The following HSPBAP1 variants were observed in gnomAD, a reference collection of about 807,000 sequenced individuals.
HSPBAP1 encodes HSPB1-associated protein 1.
HSPBAP1 carries 27 observed loss-of-function variants against 45.2 expected under a neutral mutation model. That is an observed-to-expected ratio of 0.60 (90% CI 0.44 to 0.82). The LOEUF is 0.82. Among genes scored for constraint, HSPBAP1 ranks in the 40% least tolerant of loss-of-function variants. The pLI, the probability that HSPBAP1 is intolerant of heterozygous loss-of-function variation, is 0.00. For synonymous variants in HSPBAP1, 204 were observed against 202.7 expected (o/e 1.01, Z -0.06); for missense variants, 510 against 590.9 (o/e 0.86, Z 1.42).
At chr3:122,778,734 A>G (rs1450088677) in intron 1 of HSPBAP1, among the ~76,000 whole-genome samples, 1 of 151,916 alleles carries the variant, frequency 6.6e-6, no homozygotes, top group Non-Finnish European at 1.5e-5. Flanking sequence ...GTTTCACTGT[A>G]TTAGCCAAAA....
chr3:122,775,835 T>G (rs992450459), intron 2 of HSPBAP1, among the ~76,000 whole-genome samples: 5 of 152,228 alleles, frequency 3.3e-5, no homozygotes, highest in Non-Finnish European at 7.3e-5. Context: ...CATAGTAGCA[T>G]TATCTGTAAT....
chr3:122,774,451 C>T (rs1935117951), intron 2 of HSPBAP1, among the ~76,000 whole-genome samples: 1 of 152,196 alleles, frequency 6.6e-6, no homozygotes, highest in Non-Finnish European at 1.5e-5. Context: ...CCTGGAAATA[C>T]AGAAACTGAA....
At chr3:122,777,958 A>G (rs2107531130) in intron 1 of HSPBAP1, 52 bp from the exon 2 acceptor site, 2 of 1,248,566 alleles carry the variant, frequency 1.6e-6, no homozygotes, top group East Asian at 4.8e-5. Flanking sequence ...AAGTTTTTTC[A>G]TACAATATGG....
chr3:122,782,119 T>C (rs1012914051), intron 1 of HSPBAP1, among the ~76,000 whole-genome samples: 2 of 152,164 alleles, frequency 1.3e-5, no homozygotes, highest in African/African-American at 2.4e-5. Flanking sequence ...ACTTCCTAAG[T>C]AGAGGATTAT....
intron 1 of HSPBAP1, among the ~76,000 whole-genome samples, chr3:122,783,833 C>CTTTT (rs79338116): frequency 6.9e-6 from 1 of 145,080 alleles, no homozygotes; most frequent in Non-Finnish European, 1.5e-5. Context: ...GGGCAACTTT[C>CTTTT]TTTTTTTTTT....
intron 5 of HSPBAP1, chr3:122,753,201 A>C (rs200207531): frequency 5.3e-5 from 5 of 93,706 alleles, no homozygotes; most frequent in Non-Finnish European, 6.8e-5. Context: ...CATGGATGGA[A>C]GAAGTGTGAT....
rs1426344294 is a variant in HSPBAP1, at chr3:122,759,375, A to C, written c.433-15T>G. 9.3e-6 allele frequency: 15 copies of C among 1,610,608 alleles called. No homozygotes were observed. Among genetic ancestry groups the C allele is most frequent in the Non-Finnish European group, 1.2e-5 (14 of 1,177,648 alleles). On this transcript the variant is annotated splice_polypyrimidine_tract_variant and intron_variant, in intron 3 of 7. Coordinates refer to ENST00000306103, the MANE Select transcript of HSPBAP1 (RefSeq NM_024610.6). Reference sequence around the variant, plus strand: ...CATTTCACATCCTGTTTTGAAATAAAGTTGCAATCCATCAAGAACTAACCA... The same window carrying C: ...CATTTCACATCCTGTTTTGAAATAACGTTGCAATCCATCAAGAACTAACCA...
intron 1 of HSPBAP1, among the ~76,000 whole-genome samples, chr3:122,792,091 G>A (rs1408208333): frequency 2.6e-5 from 4 of 152,328 alleles, no homozygotes; most frequent in Admixed American, 1.3e-4. Flanking sequence ...TTAAGAAAGA[G>A]GCAGAGAGAG....
chr3:122,781,390 C>CA (rs1351107904), intron 1 of HSPBAP1, among the ~76,000 whole-genome samples: 3 of 152,140 alleles, frequency 2.0e-5, no homozygotes, highest in East Asian at 1.9e-4. Flanking sequence ...CCGTCTCCAC[C>CA]AAAAAAATAC....
At chr3:122,793,309 T>G (rs1044412160) in intron 1 of HSPBAP1, among the ~76,000 whole-genome samples, 2 of 152,200 alleles carry the variant, frequency 1.3e-5, no homozygotes, top group Admixed American at 6.5e-5. Context: ...AATTTAATTT[T>G]AATCCCCTCT....
intron 1 of HSPBAP1, among the ~76,000 whole-genome samples, chr3:122,784,203 C>T (rs1935581866): frequency 6.6e-6 from 1 of 152,148 alleles, no homozygotes; most frequent in African/African-American, 2.4e-5. Flanking sequence ...TTGATCCCTA[C>T]ACTATGAAAA....
chr3:122,740,670 TTGTC>T lies in HSPBAP1; in HGVS notation c.1138_1141del (p.Asp380AsnfsTer15), dbSNP rs776526806. The T allele has an allele frequency of 6.2e-7, 1 of 1,613,986 alleles. No homozygotes were observed. Among genetic ancestry groups the T allele is most frequent in the East Asian group, 2.2e-5 (1 of 44,890 alleles). ...GCCAAAGGGACTTGCTGCCTCCGGT[TTGTC>T]TGTTCCTGTGGTCAAGTTCTGGCTA... On this transcript the variant is annotated frameshift_variant, in exon 8 of 8. Transcript: ENST00000306103. LOFTEE classifies it low-confidence loss of function (END_TRUNC).
intron 7 of HSPBAP1, 30 bp downstream of exon 7, chr3:122,740,973 C>T: frequency 6.2e-7 from 1 of 1,607,540 alleles, no homozygotes; most frequent in African/African-American, 1.3e-5. Flanking sequence ...AGGAAACTAA[C>T]TGCCATGATG....
intron 1 of HSPBAP1, among the ~76,000 whole-genome samples, chr3:122,789,758 C>T (rs927142989): frequency 2.0e-5 from 3 of 152,170 alleles, no homozygotes; most frequent in Non-Finnish European, 2.9e-5. Context: ...ATTAGTTCCA[C>T]GATTTTATGC....
chr3:122,779,652 C>T (rs1203462620), intron 1 of HSPBAP1, among the ~76,000 whole-genome samples: 3 of 150,382 alleles, frequency 2.0e-5, no homozygotes, highest in Admixed American at 6.6e-5. Context: ...GAGGACCCTG[C>T]GGCCTTCCGC....
chr3:122,764,457 G>T (rs916869513), intron 3 of HSPBAP1, among the ~76,000 whole-genome samples: 6 of 152,096 alleles, frequency 3.9e-5, no homozygotes, highest in Non-Finnish European at 8.8e-5. Flanking sequence ...GCCTCTACTT[G>T]AAGTTTCCTC....
At chr3:122,740,980 G>A in intron 7 of HSPBAP1, 23 bp downstream of exon 7, 1 of 1,608,050 alleles carries the variant, frequency 6.2e-7, no homozygotes, top group South Asian at 1.1e-5. Context: ...TAACTGCCAT[G>A]ATGAAGACCA....
chr3:122,774,060 C>CA (rs1366318300), intron 2 of HSPBAP1, among the ~76,000 whole-genome samples: 1 of 152,226 alleles, frequency 6.6e-6, no homozygotes, highest in Non-Finnish European at 1.5e-5. Flanking sequence ...CTGTATGTTT[C>CA]AAAGTCTTTC....
In HSPBAP1 at chr3:122,781,863, A is replaced by G. The variant is rs72968303; in HGVS notation, c.65-3957T>C. Among the ~76,000 whole-genome samples the G allele has an allele frequency of 8.3e-3, 1,267 of 152,192 alleles. 12 individuals carry two copies. The highest frequency in any genetic ancestry group is 0.028 in the African/African-American group (1,181 of 41,512). ...ATACACACCATATTTTCTTTATCCA[A>G]TTCACCATTAGTGGGCACCTAGGCA... On this transcript the variant is annotated intron_variant, in intron 1 of 7. Transcript: ENST00000306103.
Sources: allele counts gnomAD v4.1 joint callset (sites outside exome capture counted in the v4.1 genomes callset), GRCh38; gene constraint gnomAD v4.1.1; transcripts MANE v1.5; gene names NCBI Gene and HGNC (gene_info 2026-07-23, HGNC 2026-07-21).